The following MTR variants were observed in gnomAD, a reference collection of about 807,000 sequenced individuals.
MTR encodes 5-methyltetrahydrofolate-homocysteine methyltransferase, also known as methionine synthase.
Under a neutral mutation model 154.8 loss-of-function variants are expected in MTR, and 84 were observed. The ratio of observed to expected loss-of-function variants is 0.54; its 90% CI spans 0.45 to 0.65. The LOEUF (loss-of-function observed/expected upper bound fraction) is 0.65, where lower values mean the gene tolerates loss of function less well. MTR is among the 30% of genes least tolerant of loss of function. The pLI is 0.00. For missense variants in MTR, 1,275 were observed against 1,570.2 expected (o/e 0.81, Z 3.18); for synonymous variants, 554 against 553.9 (o/e 1.00, Z 0.00).
At chr1:236,849,644 G>A (rs1238455262) in intron 15 of MTR, among the ~76,000 whole-genome samples, 1 of 152,162 alleles carries the variant, frequency 6.6e-6, no homozygotes, top group African/African-American at 2.4e-5. Context: ...GCAAATGGTA[G>A]GAGATGAGAT....
chr1:236,887,904 C>T (rs147188282), intron 27 of MTR, among the ~76,000 whole-genome samples: 25 of 152,314 alleles, frequency 1.6e-4, no homozygotes, highest in South Asian at 4.1e-4. Flanking sequence ...CCTTCCCAGG[C>T]GGGAGGACGC....
chr1:236,857,224 T>C (rs1382816723), intron 18 of MTR, among the ~76,000 whole-genome samples: 1 of 152,206 alleles, frequency 6.6e-6, no homozygotes, highest in African/African-American at 2.4e-5. Context: ...CCATTCTAAC[T>C]GGCGTGATAT....
At chr1:236,829,162 G>T (rs936565088) in intron 11 of MTR, 27 bp from the exon 12 acceptor site, 3 of 1,542,232 alleles carry the variant, frequency 1.9e-6, no homozygotes. Flanking sequence ...TGAATTAATG[G>T]ATACAATGTT....
chr1:236,857,498 A>G (rs1664274972), intron 18 of MTR, among the ~76,000 whole-genome samples: 1 of 152,128 alleles, frequency 6.6e-6, no homozygotes, highest in Non-Finnish European at 1.5e-5. Flanking sequence ...TTTAAACTCC[A>G]CCGCATGGGT....
intron 15 of MTR, among the ~76,000 whole-genome samples, chr1:236,845,304 T>A (rs1663503645): frequency 6.6e-6 from 1 of 152,232 alleles, no homozygotes; most frequent in South Asian, 2.1e-4. Context: ...GGAAAAAAAA[T>A]TAACTTGCTA....
intron 15 of MTR, among the ~76,000 whole-genome samples, chr1:236,839,795 T>C (rs1663125118): frequency 6.6e-6 from 1 of 152,220 alleles, no homozygotes; most frequent in Non-Finnish European, 1.5e-5. Flanking sequence ...GAACACTAAA[T>C]GTCCATTACT....
At chr1:236,823,574 A>G (rs1662097985) in intron 8 of MTR, among the ~76,000 whole-genome samples, 1 of 152,136 alleles carries the variant, frequency 6.6e-6, no homozygotes, top group Non-Finnish European at 1.5e-5. Context: ...TAGAGATCAC[A>G]TAGTCTAGTA....
chr1:236,880,700 G>T (rs1273647497), intron 24 of MTR, 55 bp from the exon 25 acceptor site: 1 of 1,371,556 alleles, frequency 7.3e-7, no homozygotes, highest in East Asian at 2.3e-5. Context: ...AACAAGAGTT[G>T]TATAGGAACT....
Position 236,891,155 on chromosome 1 carries a change from C to A in MTR, c.3030C>A (p.Tyr1010Ter). The A allele has an allele frequency of 6.2e-7, 1 of 1,614,144 alleles. No homozygotes were observed. The highest frequency in any genetic ancestry group is 8.5e-7 in the Non-Finnish European group (1 of 1,180,024). The stretch of plus-strand genomic sequence containing the variant: ...TAGGTGGAGAGGCCAGGAAGGTCTA[C>A]GATGATGCCCACAATATGCTGAACA... ...KTVGGEARKV[Y>*]DDAHNMLNTL... Residue 1010 changes from tyrosine (Y) to a stop codon, truncating the protein, a stop_gained, in exon 29 of 33, where the codon TAC becomes TAA. Coordinates refer to ENST00000366577, the MANE Select transcript of MTR (RefSeq NM_000254.3). LOFTEE classifies it high-confidence loss of function.
rs557639719 is a variant in MTR at position 236,862,549 on chromosome 1, A to G, written c.2304+206A>G. On this transcript the variant is annotated intron_variant, in intron 21 of 32. Transcript: ENST00000366577. ...AATGTAGCTTTATAACATTTTTAAT[A>G]TAGATACAATTTTTCAATCAAAACC... Among the ~76,000 whole-genome samples the G allele has an allele frequency of 1.2e-4, 18 of 152,320 alleles. No homozygotes were observed. The East Asian group carries it at 3.3e-3, about 28-fold the overall frequency.
At chr1:236,818,331 C>T (rs1043558152) in intron 8 of MTR, among the ~76,000 whole-genome samples, 19 of 130,980 alleles carry the variant, frequency 1.5e-4, no homozygotes, top group South Asian at 4.7e-4. Flanking sequence ...TCTTTCCTAG[C>T]GATTAGGTAA....
At chr1:236,843,731 G>A (rs756940369) in intron 15 of MTR, among the ~76,000 whole-genome samples, 19 of 152,158 alleles carry the variant, frequency 1.2e-4, no homozygotes, top group Admixed American at 5.9e-4. Flanking sequence ...ATTCACATTG[G>A]GTATAGGTTG....
intron 12 of MTR, among the ~76,000 whole-genome samples, chr1:236,831,018 T>C (rs554593540): frequency 1.8e-4 from 28 of 152,322 alleles, no homozygotes; most frequent in African/African-American, 4.6e-4. Context: ...GTCAATGTTA[T>C]TCAGTTTCAT....
intron 8 of MTR, among the ~76,000 whole-genome samples, chr1:236,819,210 C>T (rs2103072405): frequency 6.6e-6 from 1 of 152,242 alleles, no homozygotes; most frequent in South Asian, 2.1e-4. Flanking sequence ...TCCATTACAG[C>T]ATCATACAGA....
intron 3 of MTR, among the ~76,000 whole-genome samples, chr1:236,807,943 G>A (rs889864904): frequency 1.3e-5 from 2 of 152,086 alleles, no homozygotes; most frequent in Non-Finnish European, 2.9e-5. Context: ...AAAAACAGGC[G>A]GTGGACCCAA....
At chr1:236,820,611 G>T (rs570512607) in intron 8 of MTR, 1 of 548,370 alleles carries the variant, frequency 1.8e-6, no homozygotes, top group Non-Finnish European at 3.2e-6. Context: ...AAAAGTTTCC[G>T]TAAACATTCA....
chr1:236,812,489 C>T (rs80198118), intron 5 of MTR, among the ~76,000 whole-genome samples: 1 of 152,334 alleles, frequency 6.6e-6, no homozygotes, highest in African/African-American at 2.4e-5. Flanking sequence ...TTCCCTCTCA[C>T]TCCTCAGCTC....
chr1:236,795,798 C>G, intron 1 of MTR, 61 bp downstream of exon 1: 4 of 1,612,058 alleles, frequency 2.5e-6, no homozygotes, highest in Non-Finnish European at 3.4e-6. Context: ...CTGTGGCCTC[C>G]TAATCCCTGG....
chr1:236,843,123 ACGTT>A (rs1245355454), intron 15 of MTR, among the ~76,000 whole-genome samples: 1 of 151,084 alleles, frequency 6.6e-6, no homozygotes, highest in Admixed American at 6.6e-5. Flanking sequence ...GTATATACAC[ACGTT>A]GAATGGTGTT....
Sources: gnomAD v4.1 joint callset for allele counts (sites outside exome capture counted in the v4.1 genomes callset) on GRCh38, gnomAD v4.1.1 for gene constraint, MANE v1.5 for transcripts, NCBI Gene and HGNC (gene_info 2026-07-23, HGNC 2026-07-21) for gene names.